EML6: variants seen among roughly 807,000 people sequenced by gnomAD.
EML6 encodes EMAP like 6, also known as echinoderm microtubule-associated protein-like 6.
EML6 carries 154 observed loss-of-function variants against 240.1 expected under a neutral mutation model. That is an observed-to-expected ratio of 0.64 (90% CI 0.56 to 0.73). The LOEUF (loss-of-function observed/expected upper bound fraction) is 0.73. Ranked by LOEUF, EML6 falls within the 30% of genes least tolerant of loss-of-function variation. The probability of loss-of-function intolerance (pLI) is 0.00; values close to 1 mark genes in which losing one functional copy is unlikely to be tolerated. For synonymous variants in EML6, 1,148 were observed against 899.0 expected, an observed-to-expected ratio of 1.28 and a Z score of -4.95; for missense variants, 2,964 against 2,474.6, an observed-to-expected ratio of 1.20 and a Z score of -4.20.
At chr2:54,926,019 G>A (rs974819833) in intron 26 of EML6, among the ~76,000 whole-genome samples, 2 of 152,228 alleles carry the variant, frequency 1.3e-5, no homozygotes, top group African/African-American at 4.8e-5. Flanking sequence ...AAATGTGAAT[G>A]TAGGGGAGAG....
In EML6 at chr2:54,774,250, C is replaced by T. The variant is rs972007697; in HGVS notation, c.198-38982C>T. 5.3e-5 allele frequency among the ~76,000 whole-genome samples: 8 copies of T among 152,134 alleles called. No homozygotes were observed. The highest frequency in any genetic ancestry group is 6.5e-5 in the Admixed American group (1 of 15,268). On this transcript the variant is annotated intron_variant, in intron 2 of 41. Coordinates refer to ENST00000356458, the MANE Select transcript of EML6 (RefSeq NM_001039753.4). The surrounding 1 kb of genome is among the most constrained non-coding windows in gnomAD (Gnocchi z 4.1). Reference sequence around the variant, plus strand: ...CAGCTCTGAGACGAAGTTCAGCTTGCAAAATGTTTATTGGATCAGTAGTGA... The same window carrying T: ...CAGCTCTGAGACGAAGTTCAGCTTGTAAAATGTTTATTGGATCAGTAGTGA...
At position 54,954,140 on chromosome 2, in the gene EML6, C is replaced by A. The variant is rs371055999; in HGVS notation, c.4470C>A (p.Val1490=). The change falls in exon 32 of 42, where the codon GTC becomes GTA. Residue 1490 remains valine (V), a synonymous_variant. Transcript: ENST00000356458. ...VGVDPEHTIT[V]WRWQEGAKVA... Reference sequence around the variant, plus strand: ...TGGACCCTGAGCACACCATCACTGTCTGGCGATGGCAGGAAGGTAAACCAG... The same window carrying A: ...TGGACCCTGAGCACACCATCACTGTATGGCGATGGCAGGAAGGTAAACCAG... The A allele has an allele frequency of 6.4e-7, 1 of 1,551,100 alleles. No individual in the cohort carries two copies. The highest frequency in any genetic ancestry group is 8.7e-7 in the Non-Finnish European group (1 of 1,146,756).
chr2:54,859,652 G>T lies in EML6; in HGVS notation c.1776G>T (p.Arg592Ser), dbSNP rs1452206977. 6.4e-7 allele frequency: 1 copy of T among 1,550,684 alleles called. No individual in the cohort carries two copies. Among genetic ancestry groups the T allele is most frequent in the Non-Finnish European group, 8.7e-7 (1 of 1,146,760 alleles). ...GGADHSVFQW[R>S]FIPEGVSNGM... ...CTGATCACTCAGTTTTCCAGTGGAG[G>T]TTTATTCCAGAAGGTGTCAGCAACG... Residue 592 changes from arginine (R) to serine (S), a missense_variant, in exon 12 of 42, where the codon AGG (arginine) becomes AGT (serine). By Grantham distance (110) the Arg-to-Ser change is moderately radical (BLOSUM62 -1). Coordinates refer to ENST00000356458, the MANE Select transcript of EML6 (RefSeq NM_001039753.4).
At chr2:54,945,021 CCTCCTTCCCTCCTCCTTCA>C (rs1177336601) in intron 28 of EML6, among the ~76,000 whole-genome samples, 22 of 130,080 alleles carry the variant, frequency 1.7e-4, no homozygotes, top group African/African-American at 6.5e-4. Flanking sequence ...TCCCTACCCC[CCTCCTTCCCTCCTCCTTCA>C]CTCCTTCCCT....
At chr2:54,754,511 A>G (rs754945395) in intron 2 of EML6, among the ~76,000 whole-genome samples, 1 of 152,052 alleles carries the variant, frequency 6.6e-6, no homozygotes, top group Non-Finnish European at 1.5e-5. Flanking sequence ...GGTCTTTTTG[A>G]CCATTTGAAA....
chr2:54,817,126 G>A (rs911487606), intron 4 of EML6, among the ~76,000 whole-genome samples: 1 of 152,070 alleles, frequency 6.6e-6, no homozygotes, highest in Non-Finnish European at 1.5e-5. Context: ...TTTGATGCTG[G>A]CATTTTACTT....
intron 28 of EML6, among the ~76,000 whole-genome samples, 159 bp from the exon 29 acceptor site, chr2:54,948,723 G>A (rs979049643): frequency 5.9e-5 from 9 of 152,188 alleles, no homozygotes; most frequent in Admixed American, 2.6e-4. Flanking sequence ...GGCAGGCGGG[G>A]AGTGAGAGAG....
chr2:54,891,169 G>T lies in EML6; in HGVS notation c.2539+15G>T, dbSNP rs1558655992. On this transcript the variant is annotated intron_variant, in intron 18 of 41. Transcript: ENST00000356458. ...GCAACAAGCAGGTACTGTCGTTTGGGTTTATCATTTATGTGATTGAGAGCT... is the reference window on the plus strand; with the variant it reads ...GCAACAAGCAGGTACTGTCGTTTGGTTTTATCATTTATGTGATTGAGAGCT... 9.0e-6 allele frequency: 12 copies of T among 1,335,848 alleles called. No individual in the cohort carries two copies. The highest frequency in any genetic ancestry group is 1.2e-5 in the Non-Finnish European group (12 of 971,020). The allele number at this position is 1,335,848 out of a possible 1,614,324, so 82.7% of individuals were successfully genotyped here. A position where few individuals can be genotyped will look rare whatever the true frequency, so the allele number is the denominator to read the frequency against.
intron 11 of EML6, among the ~76,000 whole-genome samples, chr2:54,857,132 C>T (rs897631633): frequency 6.6e-6 from 1 of 152,072 alleles, no homozygotes; most frequent in African/African-American, 2.4e-5. Context: ...TCTGGGAGTG[C>T]ACATAAGGGG....
Position 54,928,448 on chromosome 2 carries a change from G to C in EML6, c.3811G>C (p.Val1271Leu), listed in dbSNP as rs1302780456. 9 of 1,550,916 alleles carry C rather than the reference G, an allele frequency of 5.8e-6. No homozygotes were observed. The South Asian group carries it at 8.3e-5, about 14-fold the overall frequency. Residue 1271 changes from valine to leucine, a missense_variant, in exon 27 of 42, where the codon GTG (valine) becomes CTG (leucine). Physicochemically the swap from Val to Leu is conservative, Grantham distance 32. Coordinates refer to ENST00000356458, the MANE Select transcript of EML6 (RefSeq NM_001039753.4). Reference sequence around the variant, plus strand: ...CCTGATGATCTGGACCAGGGAGTTTGTGGGGACCCAGGAGAGCAAGCTGGT... The same window carrying C: ...CCTGATGATCTGGACCAGGGAGTTTCTGGGGACCCAGGAGAGCAAGCTGGT... Reference protein sequence around the residue: ...TALMIWTREFVGTQESKLVDS... With the variant: ...TALMIWTREFLGTQESKLVDS...
At chr2:54,833,357 A>G (rs1445888175) in intron 7 of EML6, among the ~76,000 whole-genome samples, 4 of 152,242 alleles carry the variant, frequency 2.6e-5, no homozygotes, top group Non-Finnish European at 5.9e-5. Context: ...TCTAATAACT[A>G]TTAACTGTTA....
At chr2:54,857,460 C>G (rs1038377985) in intron 11 of EML6, among the ~76,000 whole-genome samples, 3 of 152,172 alleles carry the variant, frequency 2.0e-5, no homozygotes, top group Non-Finnish European at 2.9e-5. Flanking sequence ...AAATGCTGTC[C>G]TACGGGATGG....
chr2:54,960,234 G>T lies in EML6; in HGVS notation c.4868G>T (p.Gly1623Val). The change falls in exon 35 of 42, where the codon GGT (glycine) becomes GTT (valine). Residue 1623 changes from glycine (G) to valine (V), a missense_variant. Coordinates refer to ENST00000356458, the MANE Select transcript of EML6 (RefSeq NM_001039753.4). Reference sequence around the variant, plus strand: ...ATCTTTTTTAGGACCAAAGAAGGAGGTGCTGTAAAATTGTGGGACCAGGAG... The same window carrying T: ...ATCTTTTTTAGGACCAAAGAAGGAGTTGCTGTAAAATTGTGGGACCAGGAG... ...GGKERPTKEG[G>V]AVKLWDQEMK... 1.3e-6 allele frequency: 2 copies of T among 1,551,334 alleles called. No individual in the cohort carries two copies. Among genetic ancestry groups the T allele is most frequent in the South Asian group, 1.2e-5 (1 of 84,056 alleles).
At chr2:54,925,486 C>G (rs1021817428) in intron 26 of EML6, among the ~76,000 whole-genome samples, 1 of 152,214 alleles carries the variant, frequency 6.6e-6, no homozygotes, top group Non-Finnish European at 1.5e-5. Context: ...GTCCAAAATT[C>G]AAGTTCCGTT....
At chr2:54,887,264 G>T (rs561104255) in intron 17 of EML6, among the ~76,000 whole-genome samples, 13 of 152,292 alleles carry the variant, frequency 8.5e-5, no homozygotes, top group African/African-American at 3.1e-4. Context: ...GGCTAAATTG[G>T]TTACTTAGTT....
intron 21 of EML6, 136 bp from the exon 22 acceptor site, chr2:54,899,505 A>C: frequency 3.6e-6 from 3 of 833,428 alleles, no homozygotes; most frequent in South Asian, 4.7e-5. Flanking sequence ...TTTTGGTTCA[A>C]GGAAGCTCAA....
intron 25 of EML6, among the ~76,000 whole-genome samples, chr2:54,915,883 C>G (rs1485692130): frequency 6.6e-6 from 1 of 152,076 alleles, no homozygotes; most frequent in African/African-American, 2.4e-5. Flanking sequence ...GGTATAATAG[C>G]AGATGTTGAA....
At chr2:54,864,654 G>C (rs1573026732) in intron 13 of EML6, among the ~76,000 whole-genome samples, 1 of 152,164 alleles carries the variant, frequency 6.6e-6, no homozygotes, top group Admixed American at 6.5e-5. Context: ...TGTAAGTGTC[G>C]CCAATAGAGA....
At chr2:54,962,083 G>T (rs1341385533) in intron 35 of EML6, among the ~76,000 whole-genome samples, 2 of 132,268 alleles carry the variant, frequency 1.5e-5, no homozygotes, top group African/African-American at 5.6e-5. Context: ...CAAGTTACTT[G>T]TTTTTTTTTT....
Sources: gnomAD v4.1 joint callset for allele counts (sites outside exome capture counted in the v4.1 genomes callset) on GRCh38, gnomAD v4.1.1 for gene constraint, Gnocchi (gnomAD v3.1) non-coding constraint, MANE v1.5 for transcripts, NCBI Gene and HGNC (gene_info 2026-07-23, HGNC 2026-07-21) for gene names.